ADGRD1: variants seen among roughly 807,000 people sequenced by gnomAD.
The protein encoded by ADGRD1 is G-protein coupled receptor 133.
Under a neutral mutation model 113.4 loss-of-function variants are expected in ADGRD1, and 77 were observed. That is an observed-to-expected ratio of 0.68 (90% confidence interval 0.57 to 0.82). The LOEUF is 0.82. Ranked by LOEUF, ADGRD1 falls within the 40% of genes least tolerant of loss-of-function variation. The probability of loss-of-function intolerance (pLI) is 0.00; values close to 1 mark genes in which losing one functional copy is unlikely to be tolerated. For missense variants in ADGRD1, 1,036 were observed against 1,139.1 expected (o/e 0.91, Z 1.30); for synonymous variants, 474 against 475.0 (o/e 1.00, Z 0.03).
In ADGRD1 at chr12:131,037,315, A is replaced by C. The variant is rs181835892; in HGVS notation, c.1473+22975A>C. ...CACTCACTGCACCAGGATCTTACTC[A>C]CTGCATGGGGCCTCACTCACTGCAC... On this transcript the variant is annotated intron_variant, in intron 13 of 24. Coordinates refer to ENST00000261654, the MANE Select transcript of ADGRD1 (RefSeq NM_198827.5). Among the ~76,000 whole-genome samples the C allele has an allele frequency of 5.8e-4, 74 of 127,680 alleles. 1 individual carries two copies. The highest frequency in any genetic ancestry group is 2.1e-3 in the African/African-American group (69 of 33,386). The allele number at this position is 127,680 out of a possible 152,430, so 83.8% of individuals were successfully genotyped here.
chr12:131,105,715 G>A (rs1354823847), intron 16 of ADGRD1, 39 bp from the exon 17 acceptor site: 1 of 1,517,486 alleles, frequency 6.6e-7, no homozygotes, highest in Admixed American at 1.7e-5. Flanking sequence ...GACTGGGTCG[G>A]CGCAGGGCCC....
Position 131,096,040 on chromosome 12 carries a change from A to G in ADGRD1, c.1672-8791A>G, listed in dbSNP as rs11610313. 5.6e-5 allele frequency among the ~76,000 whole-genome samples: 5 copies of G among 88,904 alleles called. No individual in the cohort carries two copies. In the East Asian group the frequency reaches 0.01, roughly 182 times the overall value. 58.3% of individuals were successfully genotyped at this position (88,904 alleles called of 152,430 possible). A position where few individuals can be genotyped will look rare whatever the true frequency, so the allele number is the denominator to read the frequency against. On this transcript the variant is annotated intron_variant, in intron 15 of 24. Coordinates refer to ENST00000261654, the MANE Select transcript of ADGRD1 (RefSeq NM_198827.5). This position sits in a 1 kb window ranked among gnomAD's most constrained non-coding sequence, Gnocchi z 5.2. Reference sequence around the variant, plus strand: ...GCAGCGGCTTAGGGTCACGGCCACCATTCCTGCCTCCCGGCCCTGCCCAGA... The same window carrying G: ...GCAGCGGCTTAGGGTCACGGCCACCGTTCCTGCCTCCCGGCCCTGCCCAGA...
rs1950291150 is a variant in ADGRD1 at position 131,108,874 on chromosome 12, TG to T, written c.2041+1del. ...SKHRYYYGMGWGFPLLICIIS... is the reference protein window; with the variant it reads ...SKHRYYYGMGXGFPLLICIIS... ...GCACCGTTACTACTATGGGATGGGA[TG>T]GGGTAGGTGGGGCAGGGCAGGTGGG... On this transcript the variant is annotated frameshift_variant and splice_region_variant, in exon 18 of 25. Transcript: ENST00000261654. LOFTEE classifies it high-confidence loss of function. 1 of 991,956 alleles carries T rather than the reference TG, an allele frequency of 1.0e-6. No homozygotes were observed. The highest frequency in any genetic ancestry group is 1.3e-6 in the Non-Finnish European group (1 of 755,058). The allele number at this position is 991,956 out of a possible 1,614,324, so 61.4% of individuals were successfully genotyped here.
chr12:130,955,767 C>CT (rs1208939692), intron 2 of ADGRD1, among the ~76,000 whole-genome samples: 2 of 151,474 alleles, frequency 1.3e-5, no homozygotes, highest in African/African-American at 2.4e-5. Context: ...GGAAATCAGC[C>CT]TTTTTAAAAA....
At chr12:131,082,038 C>T (rs536292122) in intron 14 of ADGRD1, among the ~76,000 whole-genome samples, 1 of 152,106 alleles carries the variant, frequency 6.6e-6, no homozygotes, top group South Asian at 2.1e-4. Context: ...CACCCCTTTC[C>T]CCAGTAATAA....
At chr12:131,002,537 T>C in intron 9 of ADGRD1, 1 of 996,810 alleles carries the variant, frequency 1.0e-6, no homozygotes, top group Non-Finnish European at 1.2e-6. Flanking sequence ...CAGAGCTCAC[T>C]GGCCCAGCTC....
intron 15 of ADGRD1, among the ~76,000 whole-genome samples, chr12:131,093,278 A>G (rs1725831): frequency 0.65 from 99,400 of 151,934 alleles, 32,850 homozygotes; most frequent in East Asian, 0.79. Flanking sequence ...TTGAGGTTGT[A>G]GTTTCTGAGT....
intron 13 of ADGRD1, among the ~76,000 whole-genome samples, chr12:131,044,859 C>G (rs73477382): frequency 0.038 from 5,818 of 152,338 alleles, 361 homozygotes; most frequent in African/African-American, 0.13. Flanking sequence ...GAAACCGAAA[C>G]CCGAAGAGCA....
At chr12:131,116,051 A>G (rs1593240873) in intron 18 of ADGRD1, among the ~76,000 whole-genome samples, 1 of 152,126 alleles carries the variant, frequency 6.6e-6, no homozygotes, top group East Asian at 1.9e-4. Context: ...CCCTCTCCTT[A>G]TCCTCCCACT....
At chr12:131,004,587 G>GAGC (rs140220568) in intron 11 of ADGRD1, among the ~76,000 whole-genome samples, 46,323 of 151,954 alleles carry the variant, frequency 0.3, 7,190 homozygotes, top group Non-Finnish European at 0.33. Context: ...TGGGGTCTGG[G>GAGC]AGCATCTCAA....
chr12:130,985,913 A>G (rs1162897225), intron 5 of ADGRD1, among the ~76,000 whole-genome samples: 1 of 140,274 alleles, frequency 7.1e-6, no homozygotes, highest in East Asian at 2.3e-4. Context: ...TTGTTGCAAC[A>G]AATGGTTCTG....
At chr12:131,078,679 A>G (rs547649983) in intron 14 of ADGRD1, among the ~76,000 whole-genome samples, 1 of 152,348 alleles carries the variant, frequency 6.6e-6, no homozygotes, top group South Asian at 2.1e-4. Context: ...CCAAATTTAT[A>G]GTTATTAGCA....
Position 130,971,528 on chromosome 12 carries a change from C to T in ADGRD1, c.258C>T (p.Tyr86=), listed in dbSNP as rs151336307. The change falls in exon 4 of 25, where the codon TAC becomes TAT. Residue 86 remains tyrosine (Y), a synonymous_variant. Coordinates refer to ENST00000261654, the MANE Select transcript of ADGRD1 (RefSeq NM_198827.5). This position sits in a 1 kb window ranked among gnomAD's most constrained non-coding sequence, Gnocchi z 4.2. Reference sequence around the variant, plus strand: ...AAAAGGGAGTCACGCTTCTCTATTACGGCAGGTACAACAGCTCCTGCATCA... The same window carrying T: ...AAAAGGGAGTCACGCTTCTCTATTATGGCAGGTACAACAGCTCCTGCATCA... ...KEEKGVTLLY[Y]GRYNSSCISK... The T allele has an allele frequency of 4.0e-5, 65 of 1,613,394 alleles. No homozygotes were observed. Among genetic ancestry groups the T allele is most frequent in the South Asian group, 8.8e-5 (8 of 90,996 alleles).
Position 131,136,106 on chromosome 12 carries a change from T to C in ADGRD1, c.2337T>C (p.Ala779=), listed in dbSNP as rs755112246. 5 of 1,614,230 alleles carry C rather than the reference T, an allele frequency of 3.1e-6. No individual in the cohort carries two copies. The highest frequency in any genetic ancestry group is 1.1e-5 in the South Asian group (1 of 91,088). Reference sequence around the variant, plus strand: ...CCTCGTGGGTCTTTGGCGTGCTTGCTGTCAACGGTTGTGCTGTGGTTTTCC... The same window carrying C: ...CCTCGTGGGTCTTTGGCGTGCTTGCCGTCAACGGTTGTGCTGTGGTTTTCC... ...LGTSWVFGVL[A]VNGCAVVFQY... is the part of the protein sequence containing the mutation. The change falls in exon 22 of 25, where the codon GCT becomes GCC. Residue 779 remains alanine, a synonymous_variant. Transcript: ENST00000261654.
intron 15 of ADGRD1, among the ~76,000 whole-genome samples, chr12:131,100,988 C>T (rs1950057694): frequency 1.3e-5 from 2 of 152,200 alleles, no homozygotes; most frequent in Admixed American, 6.5e-5. Context: ...CAGCAAATAC[C>T]TCTGGTTACC....
At chr12:131,087,445 C>T (rs56133434) in intron 15 of ADGRD1, among the ~76,000 whole-genome samples, 20,871 of 152,230 alleles carry the variant, frequency 0.14, 1,491 homozygotes, top group Middle Eastern at 0.19. Context: ...GCTTCCATGC[C>T]GCAGGGTCCC....
chr12:131,047,222 A>T lies in ADGRD1; in HGVS notation c.1474-29579A>T, dbSNP rs190074481. Among the ~76,000 whole-genome samples the T allele has an allele frequency of 3.1e-3, 477 of 152,346 alleles. 5 individuals carry two copies. The highest frequency in any genetic ancestry group is 0.011 in the African/African-American group (455 of 41,586). On this transcript the variant is annotated intron_variant, in intron 13 of 24. Transcript: ENST00000261654. ...AGGGAGGACGGAGCCCATTGAGGGC[A>T]GGGGCGAGTCCTGTGAAGATCTCCA...
chr12:131,013,982 C>G (rs1003469809), intron 12 of ADGRD1, among the ~76,000 whole-genome samples: 1 of 152,204 alleles, frequency 6.6e-6, no homozygotes, highest in Non-Finnish European at 1.5e-5. Context: ...ATTCAAGGGA[C>G]AGAGTTAAAA....
Position 131,057,589 on chromosome 12 carries a change from C to T in ADGRD1, c.1474-19212C>T, listed in dbSNP as rs531369429. Among the ~76,000 whole-genome samples, 2 of 152,286 alleles carry T rather than the reference C, an allele frequency of 1.3e-5. No individual in the cohort carries two copies. Among genetic ancestry groups the T allele is most frequent in the African/African-American group, 4.8e-5 (2 of 41,554 alleles). On this transcript the variant is annotated intron_variant, in intron 13 of 24. Coordinates refer to ENST00000261654, the MANE Select transcript of ADGRD1 (RefSeq NM_198827.5). This position sits in a 1 kb window ranked among gnomAD's most constrained non-coding sequence, Gnocchi z 4.2. ...CGGCAGCCAACTCCAGTCTCTGCCC[C>T]GTCTCCCCACGGCCTCCTCTTCCGT...
Sources: gnomAD v4.1 joint callset for allele counts (sites outside exome capture counted in the v4.1 genomes callset) on GRCh38, gnomAD v4.1.1 for gene constraint, Gnocchi (gnomAD v3.1) non-coding constraint, MANE v1.5 for transcripts, NCBI Gene and HGNC (gene_info 2026-07-23, HGNC 2026-07-21) for gene names.